The following ZNF561 variants were observed in gnomAD, a reference collection of about 807,000 sequenced individuals.
ZNF561 encodes the protein zinc finger protein 561.
In ZNF561, 16 loss-of-function variants were observed where a neutral mutation model predicts 16.7. The observed-to-expected ratio is 0.96, with a 90% CI of 0.65 to 1.45. The LOEUF (loss-of-function observed/expected upper bound fraction) is 1.45. Among genes scored for constraint, ZNF561 ranks in the 40% most tolerant of loss-of-function variants. The probability of loss-of-function intolerance (pLI) is 0.00; values close to 1 mark genes in which losing one functional copy is unlikely to be tolerated. For missense variants in ZNF561, 580 were observed against 578.0 expected (o/e 1.00, Z -0.04); for synonymous variants, 190 against 192.1 (o/e 0.99, Z 0.09).
Position 9,619,414 on chromosome 19 carries a change from G to A in ZNF561, c.25+18C>T. 1 of 1,612,210 alleles carries A rather than the reference G, an allele frequency of 6.2e-7. No individual in the cohort carries two copies. The highest frequency in any genetic ancestry group is 1.1e-5 in the South Asian group (1 of 90,858). On this transcript the variant is annotated intron_variant, in intron 2 of 5. Coordinates refer to ENST00000302851, the MANE Select transcript of ZNF561 (RefSeq NM_152289.3). Reference sequence around the variant, plus strand: ...CCTAAAGCAGAATCTCTGAAAAAGAGCATCAACAAAGACTTACCACGGGAC... The same window carrying A: ...CCTAAAGCAGAATCTCTGAAAAAGAACATCAACAAAGACTTACCACGGGAC...
Position 9,610,358 on chromosome 19 carries a change from G to A in ZNF561, c.1303C>T (p.Arg435Cys), listed in dbSNP as rs758727083. ...ICGKAFLYSSRLNVHLRTHTG... is the reference protein window; with the variant it reads ...ICGKAFLYSSCLNVHLRTHTG... ...TGAGTTCGCAGGTGAACATTAAGGC[G>A]TGAGGAATATAGAAATGCTTTCCCA... is the stretch of plus-strand genomic sequence containing the variant. Residue 435 changes from arginine to cysteine, a missense_variant, in exon 6 of 6, where the codon CGC (arginine) becomes TGC (cysteine). Physicochemically the swap from Arg to Cys is radical, Grantham distance 180. Coordinates refer to ENST00000302851, the MANE Select transcript of ZNF561 (RefSeq NM_152289.3). 5.0e-5 allele frequency: 81 copies of A among 1,614,056 alleles called. No individual in the cohort carries two copies. The highest frequency in any genetic ancestry group is 1.7e-4 in the Admixed American group (10 of 59,992).
chr19:9,609,259 C>T lies in ZNF561; in HGVS notation c.*941G>A, dbSNP rs1377620346. On this transcript the variant is annotated 3_prime_UTR_variant, in exon 6 of 6. Coordinates refer to ENST00000302851, the MANE Select transcript of ZNF561 (RefSeq NM_152289.3). ...TATGTGGGTCAAACTCTGTTCAAGG[C>T]TCTCAGCTCTGAAGGCTGTGAGCCC... 6.6e-6 allele frequency: 1 copy of T among 152,190 alleles called. No individual in the cohort carries two copies. Among genetic ancestry groups the T allele is most frequent in the Non-Finnish European group, 1.5e-5 (1 of 68,028 alleles). The allele number at this position is 152,190 out of a possible 1,614,324, so 9.4% of individuals were successfully genotyped here. A position where few individuals can be genotyped will look rare whatever the true frequency, so the allele number is the denominator to read the frequency against.
At chr19:9,612,748 G>A (rs530561899) in intron 5 of ZNF561, among the ~76,000 whole-genome samples, 8 of 152,172 alleles carry the variant, frequency 5.3e-5, no homozygotes, top group East Asian at 3.9e-4. Context: ...AGAATTCTAC[G>A]CCACTGGCTC....
In ZNF561 at chr19:9,607,696, T is replaced by C. The variant is rs749595385; in HGVS notation, c.*2504A>G. On this transcript the variant is annotated 3_prime_UTR_variant, in exon 6 of 6. Coordinates refer to ENST00000302851, the MANE Select transcript of ZNF561 (RefSeq NM_152289.3). ...GTCCAGTAAAGCAAGAAAATATATA[T>C]ATAGGTATAACCTAACGACTAAAGT... is the stretch of plus-strand genomic sequence containing the variant. 6 of 152,094 alleles carry C rather than the reference T, an allele frequency of 3.9e-5. No homozygotes were observed. The South Asian group carries it at 6.2e-4, about 16-fold the overall frequency. The allele number at this position is 152,094 out of a possible 1,614,324, so 9.4% of individuals were successfully genotyped here.
At chr19:9,618,570 C>T (rs890407572) in intron 2 of ZNF561, among the ~76,000 whole-genome samples, 1 of 151,338 alleles carries the variant, frequency 6.6e-6, no homozygotes, top group African/African-American at 2.4e-5. Flanking sequence ...ACTAAAAATA[C>T]AAAAAATTAG....
chr19:9,614,174 C>T, intron 4 of ZNF561, 71 bp from the exon 5 acceptor site: 1 of 1,564,942 alleles, frequency 6.4e-7, no homozygotes, highest in Non-Finnish European at 8.7e-7. Flanking sequence ...GTCATTTTTA[C>T]TTGTTTTCAA....
At chr19:9,618,279 G>T in intron 2 of ZNF561, 100 bp from the exon 3 acceptor site, 1 of 1,162,028 alleles carries the variant, frequency 8.6e-7, no homozygotes, top group Non-Finnish European at 1.2e-6. Flanking sequence ...ATTCCGATAT[G>T]CTCCTACACA....
chr19:9,611,392 A>G, intron 5 of ZNF561, 56 bp from the exon 6 acceptor site: 4 of 1,499,798 alleles, frequency 2.7e-6, no homozygotes, highest in Non-Finnish European at 3.6e-6. Flanking sequence ...AAGAGATTTC[A>G]CCCATCTGAA....
chr19:9,610,317 G>C lies in ZNF561; in HGVS notation c.1344C>G (p.Pro448=). Residue 448 remains proline (P), a synonymous_variant, in exon 6 of 6, where the codon CCC becomes CCG. Transcript: ENST00000302851. ...VHLRTHTGEK[P]FVCKECGKAF... ...CTTTCCCACATTCTTTACATACGAA[G>C]GGTTTCTCTCCGGTATGAGTTCGCA... The C allele has an allele frequency of 1.9e-6, 3 of 1,614,148 alleles. No homozygotes were observed. The highest frequency in any genetic ancestry group is 2.5e-6 in the Non-Finnish European group (3 of 1,180,024).
Position 9,610,670 on chromosome 19 carries a change from G to C in ZNF561, c.991C>G (p.His331Asp), listed in dbSNP as rs2074433547. Residue 331 changes from histidine (H) to aspartate (D), a missense_variant, in exon 6 of 6, where the codon CAC becomes GAC. His to Asp is a moderately conservative substitution (Grantham distance 81, BLOSUM62 -1). Transcript: ENST00000302851. ...CATTCATAGGGTTTTATTCCAGTGT[G>C]AGTTCTTACATGTTCAGTAAGTTGA... ...STQLTEHVRT[H>D]TGIKPYECKE... is the part of the protein sequence containing the mutation. 1 of 1,614,178 alleles carries C rather than the reference G, an allele frequency of 6.2e-7. No individual in the cohort carries two copies. Among genetic ancestry groups the C allele is most frequent in the Non-Finnish European group, 8.5e-7 (1 of 1,180,028 alleles).
At chr19:9,616,240 C>T (rs1489151133) in intron 4 of ZNF561, among the ~76,000 whole-genome samples, 1 of 152,122 alleles carries the variant, frequency 6.6e-6, no homozygotes, top group Non-Finnish European at 1.5e-5. Flanking sequence ...TACATCTGCC[C>T]TATAACAGGC....
chr19:9,613,246 C>T (rs2074493894), intron 5 of ZNF561, among the ~76,000 whole-genome samples: 1 of 152,178 alleles, frequency 6.6e-6, no homozygotes, highest in Admixed American at 6.5e-5. Flanking sequence ...AGATCCTGCT[C>T]CCTCAGTGGT....
intron 1 of ZNF561, among the ~76,000 whole-genome samples, chr19:9,620,214 C>A (rs887552161): frequency 1.3e-5 from 2 of 152,154 alleles, no homozygotes; most frequent in Admixed American, 1.3e-4. Flanking sequence ...CTCAGCCTCC[C>A]GAGTAGCTGG....
rs963905711 is a variant in ZNF561, at chr19:9,608,899, C to T, written c.*1301G>A. On this transcript the variant is annotated 3_prime_UTR_variant, in exon 6 of 6. Coordinates refer to ENST00000302851, the MANE Select transcript of ZNF561 (RefSeq NM_152289.3). ...GGAAAATGTGCTCAGAACAGGCCCCCCAAATTTGGACATAAACAGGCCATG... is the reference window on the plus strand; with the variant it reads ...GGAAAATGTGCTCAGAACAGGCCCCTCAAATTTGGACATAAACAGGCCATG... 4 of 152,064 alleles carry T rather than the reference C, an allele frequency of 2.6e-5. No homozygotes were observed. Among genetic ancestry groups the T allele is most frequent in the African/African-American group, 4.8e-5 (2 of 41,400 alleles). The allele number at this position is 152,064 out of a possible 1,614,324, so 9.4% of individuals were successfully genotyped here.
Position 9,610,460 on chromosome 19 carries a change from T to C in ZNF561, c.1201A>G (p.Thr401Ala). ...KPYECVECGK[T>A]FITSSRRSKH... ...CTACGACGGGAAGAAGTAATGAAGGTCTTCCCACATTCAACACATTCATAA... is the reference window on the plus strand; with the variant it reads ...CTACGACGGGAAGAAGTAATGAAGGCCTTCCCACATTCAACACATTCATAA... The change falls in exon 6 of 6, where the codon ACC becomes GCC. Residue 401 changes from threonine to alanine, a missense_variant. Thr to Ala is a moderately conservative substitution (Grantham distance 58). Transcript: ENST00000302851. 6.2e-7 allele frequency: 1 copy of C among 1,612,066 alleles called. No individual in the cohort carries two copies. The highest frequency in any genetic ancestry group is 8.5e-7 in the Non-Finnish European group (1 of 1,178,452).
Position 9,610,153 on chromosome 19 carries a change from A to T in ZNF561, c.*47T>A. Reference sequence around the variant, plus strand: ...CCAAAAGGCATTTAGGACAAATCTGATAATCTTTGGTGTCATTGCCAATAA... The same window carrying T: ...CCAAAAGGCATTTAGGACAAATCTGTTAATCTTTGGTGTCATTGCCAATAA... On this transcript the variant is annotated 3_prime_UTR_variant, in exon 6 of 6. Transcript: ENST00000302851. The T allele has an allele frequency of 6.7e-7, 1 of 1,493,884 alleles. No individual in the cohort carries two copies. The highest frequency in any genetic ancestry group is 9.0e-7 in the Non-Finnish European group (1 of 1,113,574). The allele number at this position is 1,493,884 out of a possible 1,614,324, so 92.5% of individuals were successfully genotyped here. A position where few individuals can be genotyped will look rare whatever the true frequency, so the allele number is the denominator to read the frequency against.
rs765956357 is a variant in ZNF561, at chr19:9,611,175, G to A, written c.486C>T (p.Ala162=). ...ATTTGGAAAGTTCCTGTCCAGTAGA[G>A]GCTTCCTTGTGCACACTGAGGGTGT... ...GKDTLSVHKE[A]STGQELSKFN... is the part of the protein sequence containing the mutation. Residue 162 remains alanine, a synonymous_variant, in exon 6 of 6, where the codon GCC becomes GCT. Coordinates refer to ENST00000302851, the MANE Select transcript of ZNF561 (RefSeq NM_152289.3). The A allele has an allele frequency of 1.5e-5, 24 of 1,613,970 alleles. No homozygotes were observed. Among genetic ancestry groups the A allele is most frequent in the Non-Finnish European group, 1.9e-5 (22 of 1,179,870 alleles).
chr19:9,610,650 A>T lies in ZNF561; in HGVS notation c.1011T>A (p.Tyr337Ter). ...HVRTHTGIKP[Y>*]ECKECGQAFA... ...AGGCTTGGCCACATTCCTTACATTC[A>T]TAGGGTTTTATTCCAGTGTGAGTTC... is the stretch of plus-strand genomic sequence containing the variant. The change falls in exon 6 of 6, where the codon TAT (tyrosine) becomes TAA (stop). Residue 337 changes from tyrosine (Y) to a stop codon, truncating the protein, a stop_gained. Coordinates refer to ENST00000302851, the MANE Select transcript of ZNF561 (RefSeq NM_152289.3). LOFTEE classifies it low-confidence loss of function (END_TRUNC). 1 of 1,614,100 alleles carries T rather than the reference A, an allele frequency of 6.2e-7. No homozygotes were observed. Among genetic ancestry groups the T allele is most frequent in the Non-Finnish European group, 8.5e-7 (1 of 1,180,002 alleles).
At position 9,610,847 on chromosome 19, in the gene ZNF561, C is replaced by G. The variant is rs769437070; in HGVS notation, c.814G>C (p.Val272Leu). 6.2e-7 allele frequency: 1 copy of G among 1,614,130 alleles called. No homozygotes were observed. Among genetic ancestry groups the G allele is most frequent in the Non-Finnish European group, 8.5e-7 (1 of 1,180,014 alleles). The change falls in exon 6 of 6, where the codon GTG (valine) becomes CTG (leucine). Residue 272 changes from valine (V) to leucine (L), a missense_variant. Physicochemically the swap from Val to Leu is conservative, Grantham distance 32. Coordinates refer to ENST00000302851, the MANE Select transcript of ZNF561 (RefSeq NM_152289.3). Reference sequence around the variant, plus strand: ...GACTTCTCTCCTTTATGAGTTTTCACAGGTGCATAAAGTTGAGAAAAATTA... The same window carrying G: ...GACTTCTCTCCTTTATGAGTTTTCAGAGGTGCATAAAGTTGAGAAAAATTA... ...FTNFSQLYAP[V>L]KTHKGEKSFE...
Sources: gnomAD v4.1 joint callset for allele counts (sites outside exome capture counted in the v4.1 genomes callset) on GRCh38, gnomAD v4.1.1 for gene constraint, MANE v1.5 for transcripts, NCBI Gene and HGNC (gene_info 2026-07-23, HGNC 2026-07-21) for gene names.